The following VRK3 variants were observed in gnomAD, a reference collection of about 807,000 sequenced individuals.
VRK3 encodes the protein serine/threonine-protein kinase VRK3.
A neutral mutation model predicts 60.4 loss-of-function variants in VRK3; 50 were observed. That is an observed-to-expected ratio of 0.83 (90% CI 0.66 to 1.05). The LOEUF is 1.05. VRK3 is among the 50% of genes least tolerant of loss of function. VRK3 has a pLI of 0.00. For missense variants in VRK3, 549 were observed against 585.3 expected (o/e 0.94, Z 0.64); for synonymous variants, 246 against 227.8 (o/e 1.08, Z -0.72).
chr19:49,981,782 GCACACACACAGA>G, intron 12 of VRK3: 1 of 1,044,316 alleles, frequency 9.6e-7, no homozygotes, highest in African/African-American at 1.7e-5. Flanking sequence ...CCCGTCCCAA[GCACACACACAGA>G]CACACACACA....
In VRK3 at chr19:49,997,655, C is replaced by T. The variant is rs2076729049; in HGVS notation, c.613-85G>A. 2.7e-6 allele frequency: 4 copies of T among 1,472,204 alleles called. No individual in the cohort carries two copies. In the East Asian group the frequency reaches 7.0e-5, roughly 26 times the overall value. The allele number at this position is 1,472,204 out of a possible 1,614,324, so 91.2% of individuals were successfully genotyped here. ...AGTCCCCACTGGCAATTTGTTACTC[C>T]CTCAATGACCAGGCTCCTCATCAAG... On this transcript the variant is annotated intron_variant, in intron 6 of 14. Coordinates refer to ENST00000316763, the MANE Select transcript of VRK3 (RefSeq NM_016440.4).
intron 7 of VRK3, among the ~76,000 whole-genome samples, chr19:49,996,032 C>T (rs10417287): frequency 0.052 from 7,965 of 152,154 alleles, 689 homozygotes; most frequent in African/African-American, 0.18. Flanking sequence ...AGTGATTCTC[C>T]TGCCTCAGCC....
At chr19:49,998,438 G>C (rs1373556799) in intron 6 of VRK3, 1 of 148,952 alleles carries the variant, frequency 6.7e-6, no homozygotes, top group Non-Finnish European at 1.5e-5. Context: ...AGTGAGCCAA[G>C]ACTGCACCTC....
chr19:50,008,975 T>C (rs1354290983), intron 4 of VRK3, among the ~76,000 whole-genome samples: 1 of 152,114 alleles, frequency 6.6e-6, no homozygotes, highest in Non-Finnish European at 1.5e-5. Flanking sequence ...ACTGAAGAGC[T>C]TGGTCTGAGG....
At chr19:49,978,253 A>G (rs73932219) in intron 14 of VRK3, among the ~76,000 whole-genome samples, 8,105 of 152,228 alleles carry the variant, frequency 0.053, 715 homozygotes, top group African/African-American at 0.19. Context: ...GTGGTGCCAA[A>G]TCAGACAAAG....
At chr19:50,022,211 G>A (rs2077182164) in intron 1 of VRK3, among the ~76,000 whole-genome samples, 1 of 152,116 alleles carries the variant, frequency 6.6e-6, no homozygotes, top group Non-Finnish European at 1.5e-5. Flanking sequence ...AAACCGGACT[G>A]GGTTCTTGGG....
At chr19:50,015,287 A>G (rs1302341836) in intron 3 of VRK3, among the ~76,000 whole-genome samples, 3 of 152,030 alleles carry the variant, frequency 2.0e-5, no homozygotes, top group Non-Finnish European at 4.4e-5. Context: ...CTCAAGGGAA[A>G]TTTCACTGGA....
chr19:49,981,787 C>A, intron 12 of VRK3: 2 of 1,053,996 alleles, frequency 1.9e-6, no homozygotes, highest in Non-Finnish European at 2.3e-6. Flanking sequence ...CCCAAGCACA[C>A]ACACAGACAC....
chr19:50,019,066 T>C (rs1358262377), intron 2 of VRK3: 1 of 145,214 alleles, frequency 6.9e-6, no homozygotes, highest in Non-Finnish European at 1.5e-5. Flanking sequence ...TCGGGAGGCT[T>C]AGGCAGGAGA....
chr19:49,978,976 C>T, intron 14 of VRK3, 107 bp downstream of exon 14: 1 of 1,230,946 alleles, frequency 8.1e-7, no homozygotes, highest in South Asian at 1.6e-5. Flanking sequence ...GAAGCTGGGC[C>T]CTGGTATGAA....
chr19:49,994,084 A>G (rs779693289), intron 9 of VRK3, among the ~76,000 whole-genome samples: 1 of 152,024 alleles, frequency 6.6e-6, no homozygotes, highest in African/African-American at 2.4e-5. Context: ...TCTCTTCCGC[A>G]CTGCAGTGCC....
intron 12 of VRK3, among the ~76,000 whole-genome samples, chr19:49,985,183 C>A (rs2076490828): frequency 6.6e-6 from 1 of 152,154 alleles, no homozygotes; most frequent in South Asian, 2.1e-4. Context: ...CACAGGGACT[C>A]CAGCGGGCCA....
intron 12 of VRK3, chr19:49,981,859 TATCC>T: frequency 8.3e-7 from 1 of 1,200,284 alleles, no homozygotes; most frequent in South Asian, 2.1e-5. Context: ...CAATGGGCGG[TATCC>T]AAACATTTTG....
In VRK3 at chr19:49,997,596, G is replaced by C. The variant is rs2076727993; in HGVS notation, c.613-26C>G. ...CTGGTGGGGGACAGGAGGGGCAGAA[G>C]GCTGTCACACTGAAGTCTCAGATAA... On this transcript the variant is annotated intron_variant, in intron 6 of 14. Transcript: ENST00000316763. 2.5e-6 allele frequency: 4 copies of C among 1,613,134 alleles called. No individual in the cohort carries two copies. In the South Asian group the frequency reaches 4.4e-5, roughly 18 times the overall value.
chr19:49,980,981 G>C lies in VRK3; in HGVS notation c.1250C>G (p.Pro417Arg), dbSNP rs2076412332. Residue 417 changes from proline (P) to arginine (R), a missense_variant, in exon 13 of 15, where the codon CCC becomes CGC. Coordinates refer to ENST00000316763, the MANE Select transcript of VRK3 (RefSeq NM_016440.4). ...FVDKPGPFVG[P>R]CGHWIRPSET... ...TGAGGGCCTGATCCAGTGACCGCAG[G>C]GTCCCACGAAGGGCCCCGGCTTATC... 6.2e-7 allele frequency: 1 copy of C among 1,612,202 alleles called. No individual in the cohort carries two copies. The highest frequency in any genetic ancestry group is 8.5e-7 in the Non-Finnish European group (1 of 1,179,276).
At chr19:49,984,689 G>C (rs2076482746) in intron 12 of VRK3, among the ~76,000 whole-genome samples, 1 of 152,062 alleles carries the variant, frequency 6.6e-6, no homozygotes, top group Admixed American at 6.5e-5. Context: ...CTGGAGTGCA[G>C]TGACAATCAC....
intron 12 of VRK3, among the ~76,000 whole-genome samples, chr19:49,984,826 C>T (rs558751943): frequency 1.3e-5 from 2 of 151,938 alleles, no homozygotes; most frequent in Non-Finnish European, 1.5e-5. Context: ...GGTCTCACCA[C>T]GTTGCCCAGG....
At chr19:50,006,654 C>A (rs749744158) in intron 5 of VRK3, among the ~76,000 whole-genome samples, 1 of 152,132 alleles carries the variant, frequency 6.6e-6, no homozygotes, top group East Asian at 1.9e-4. Context: ...GGATTACAGG[C>A]GTGAGCCACC....
chr19:49,992,889 T>C lies in VRK3; in HGVS notation c.934A>G (p.Ile312Val), dbSNP rs796075589. 3.7e-6 allele frequency: 6 copies of C among 1,613,902 alleles called. No homozygotes were observed. Among genetic ancestry groups the C allele is most frequent in the Non-Finnish European group, 4.2e-6 (5 of 1,180,048 alleles). Residue 312 changes from isoleucine (I) to valine (V), a missense_variant, in exon 10 of 15, where the codon ATC becomes GTC. By Grantham distance (29) the Ile-to-Val change is conservative. Transcript: ENST00000316763. ...YVHGNVTAEN[I>V]FVDPEDQSQV... ...CTCTGGTCCTCTGGATCCACAAAGA[T>C]ATTTTCAGCTGTCACATTTCCATGA...
Sources: gnomAD v4.1 joint callset for allele counts (sites outside exome capture counted in the v4.1 genomes callset) on GRCh38, gnomAD v4.1.1 for gene constraint, MANE v1.5 for transcripts, NCBI Gene and HGNC (gene_info 2026-07-23, HGNC 2026-07-21) for gene names.